The following NALF2 variants were observed in gnomAD, a reference collection of about 807,000 sequenced individuals.
NALF2 encodes the protein NALCN channel auxiliary factor 2, also known as bB57D9.1 (TED protein).
In NALF2, 1 loss-of-function variant was observed where a neutral mutation model predicts 24.8. The ratio of observed to expected loss-of-function variants is 0.04; its 90% confidence interval spans 0.01 to 0.19. NALF2 has a LOEUF of 0.19. Among genes scored for constraint, NALF2 ranks in the 10% least tolerant of loss-of-function variants. The pLI, the probability that NALF2 is intolerant of heterozygous loss-of-function variation, is 1.00. For missense variants in NALF2, 458 were observed against 409.6 expected (o/e 1.12, Z -1.02); for synonymous variants, 254 against 189.8 (o/e 1.34, Z -2.78).
In NALF2 at chrX:69,505,590, C is replaced by CGCCCGGCGA; in HGVS notation, c.313_321dup (p.Gly105_Pro107dup). 9.7e-7 allele frequency: 1 copy of CGCCCGGCGA among 1,035,875 alleles called. No homozygotes were observed. Among genetic ancestry groups the CGCCCGGCGA allele is most frequent in the Admixed American group, 5.4e-5 (1 of 18,529 alleles). The allele number at this position is 1,035,875 out of a possible 1,213,427, so 85.4% of individuals were successfully genotyped here. ...GCGGTGCTGCCGCTGCCGCCGCCGC[C>CGCCCGGCGA]GCCCGGCGAGCCCAGCGCGCCCCCA... On this transcript the variant is annotated inframe_insertion, in exon 1 of 3. Transcript: ENST00000252338.
At position 69,529,671 on chromosome X, in the gene NALF2, C is replaced by T. The variant is rs1469726463; in HGVS notation, c.1134C>T (p.Ala378=). ...AGAAGAAGTTCAAGGAGTCTGAGGC[C>T]CCCAAAACCCACCAGCAGCAATTCC... is the stretch of plus-strand genomic sequence containing the variant. The part of the protein sequence containing the change: ...AKKKKFKESE[A]PKTHQQQFHH... The change falls in exon 3 of 3, where the codon GCC becomes GCT. Residue 378 remains alanine (A), a synonymous_variant. Coordinates refer to ENST00000252338, the MANE Select transcript of NALF2 (RefSeq NM_015686.3). The T allele has an allele frequency of 8.3e-7, 1 of 1,209,801 alleles. No homozygotes were observed. The highest frequency in any genetic ancestry group is 1.1e-6 in the Non-Finnish European group (1 of 894,463).
At position 69,529,107 on chromosome X, in the gene NALF2, A is replaced by T. The variant is rs946143609; in HGVS notation, c.976A>T (p.Ile326Leu). The T allele has an allele frequency of 1.7e-6, 2 of 1,208,718 alleles. No homozygotes were observed. The highest frequency in any genetic ancestry group is 3.5e-5 in the South Asian group (2 of 56,454). Residue 326 changes from isoleucine to leucine, a missense_variant, in exon 2 of 3, where the codon ATA becomes TTA. Physicochemically the swap from Ile to Leu is conservative, Grantham distance 5 (BLOSUM62 2). Coordinates refer to ENST00000252338, the MANE Select transcript of NALF2 (RefSeq NM_015686.3). ...GGAGGTGCAGACCCGGTGCCCCTTT[A>T]TACTCCCCGACAATGAGGAAATGGT... The part of the protein sequence containing the change: ...CLEVQTRCPF[I>L]LPDNEEMVYG...
rs912506163 is a variant in NALF2 at position 69,508,055 on chromosome X, G to T, written c.861+1912G>T. 7.2e-5 allele frequency among the ~76,000 whole-genome samples: 8 copies of T among 111,515 alleles called. 1 individual carries two copies. Among genetic ancestry groups the T allele is most frequent in the African/African-American group, 2.6e-4 (8 of 30,609 alleles). The stretch of plus-strand genomic sequence containing the variant: ...GCCTTATCACCTCTACTTCTTGTTA[G>T]TGGTATGACCTTGGGCAAGTCACTT... On this transcript the variant is annotated intron_variant, in intron 1 of 2. Coordinates refer to ENST00000252338, the MANE Select transcript of NALF2 (RefSeq NM_015686.3).
intron 1 of NALF2, among the ~76,000 whole-genome samples, chrX:69,518,552 A>G (rs1202505661): frequency 9.0e-6 from 1 of 110,775 alleles, no homozygotes; most frequent in Admixed American, 9.6e-5. Flanking sequence ...TAATATTGCT[A>G]TTTCTTGTTT....
At chrX:69,511,469 C>A (rs748716357) in intron 1 of NALF2, among the ~76,000 whole-genome samples, 4 of 111,881 alleles carry the variant, frequency 3.6e-5, no homozygotes, top group African/African-American at 1.3e-4. Flanking sequence ...TCTCTCGTTA[C>A]CATTCAGGGT....
At chrX:69,516,485 T>C (rs925631887) in intron 1 of NALF2, among the ~76,000 whole-genome samples, 2 of 111,799 alleles carry the variant, frequency 1.8e-5, no homozygotes, top group Admixed American at 1.9e-4. Context: ...TGGAATATGC[T>C]GGGGAGAAGG....
In NALF2 at chrX:69,529,508, C is replaced by T. The variant is rs1408743427; in HGVS notation, c.1034-63C>T. 7.0e-6 allele frequency: 8 copies of T among 1,142,841 alleles called. No individual in the cohort carries two copies. In the African/African-American group the frequency reaches 1.3e-4, roughly 18 times the overall value. The allele number at this position is 1,142,841 out of a possible 1,213,427, so 94.2% of individuals were successfully genotyped here. On this transcript the variant is annotated intron_variant, in intron 2 of 2. Coordinates refer to ENST00000252338, the MANE Select transcript of NALF2 (RefSeq NM_015686.3). ...AGCCCCAGCTCTGGAAACTTGCTCC[C>T]TAGGTAAGGCATAGCTATCAGCTCC...
At chrX:69,523,249 T>G (rs1228257519) in intron 1 of NALF2, among the ~76,000 whole-genome samples, 1 of 112,652 alleles carries the variant, frequency 8.9e-6, no homozygotes, top group Non-Finnish European at 1.9e-5. Flanking sequence ...CCTGGAGGGC[T>G]TTTCAGCCCC....
intron 1 of NALF2, among the ~76,000 whole-genome samples, chrX:69,513,884 C>T (rs755444773): frequency 6.3e-5 from 7 of 111,749 alleles, no homozygotes; most frequent in Non-Finnish European, 1.3e-4. Flanking sequence ...CAAACAGAAA[C>T]TCTGTGCCCA....
chrX:69,526,098 A>G (rs956125819), intron 1 of NALF2, among the ~76,000 whole-genome samples: 1 of 112,358 alleles, frequency 8.9e-6, no homozygotes, highest in South Asian at 3.7e-4. Flanking sequence ...AGCGTTGTTC[A>G]TAATAGTGAA....
At chrX:69,521,859 T>C (rs1314827773) in intron 1 of NALF2, among the ~76,000 whole-genome samples, 1 of 112,169 alleles carries the variant, frequency 8.9e-6, no homozygotes, top group Non-Finnish European at 1.9e-5. Flanking sequence ...AGGAATCTTG[T>C]CTTACTCATC....
chrX:69,522,985 A>G (rs189497358), intron 1 of NALF2, among the ~76,000 whole-genome samples: 3 of 112,436 alleles, frequency 2.7e-5, no homozygotes, highest in African/African-American at 6.5e-5. Context: ...AGCGGAGTGT[A>G]CCGTGGTGTC....
In NALF2 at chrX:69,526,428, A is replaced by C. The variant is rs186191412; in HGVS notation, c.862-2565A>C. 2.3e-3 allele frequency among the ~76,000 whole-genome samples: 252 copies of C among 111,565 alleles called. 1 individual carries two copies. Among genetic ancestry groups the C allele is most frequent in the African/African-American group, 8.1e-3 (247 of 30,655 alleles). ...CCATAGATTCAAATTAGATGTGTCT[A>C]CCCATGAAACTGGAATTTTCATGAG... is the stretch of plus-strand genomic sequence containing the variant. On this transcript the variant is annotated intron_variant, in intron 1 of 2. Transcript: ENST00000252338.
chrX:69,523,190 A>G (rs755666727), intron 1 of NALF2, among the ~76,000 whole-genome samples: 4 of 112,713 alleles, frequency 3.5e-5, no homozygotes, highest in South Asian at 3.7e-4. Flanking sequence ...GTTAGAATCC[A>G]TGAAGGAAAC....
chrX:69,510,575 C>T (rs1255317711), intron 1 of NALF2, among the ~76,000 whole-genome samples: 1 of 112,351 alleles, frequency 8.9e-6, no homozygotes, highest in Non-Finnish European at 1.9e-5. Flanking sequence ...CACAGGCAGC[C>T]TCCCTGACCC....
Position 69,506,029 on chromosome X carries a change from G to T in NALF2, c.747G>T (p.Ala249=), listed in dbSNP as rs2147707441. The part of the protein sequence containing the change: ...AWEACSNCIE[A]YQRLDRHAQE... ...AGGCGTGTAGCAACTGTATCGAGGC[G>T]TACCAGCGGCTGGACCGACACGCTC... is the stretch of plus-strand genomic sequence containing the variant. Residue 249 remains alanine (A), a synonymous_variant, in exon 1 of 3, where the codon GCG becomes GCT. Coordinates refer to ENST00000252338, the MANE Select transcript of NALF2 (RefSeq NM_015686.3). 1 of 1,210,902 alleles carries T rather than the reference G, an allele frequency of 8.3e-7. No homozygotes were observed. Among genetic ancestry groups the T allele is most frequent in the Non-Finnish European group, 1.1e-6 (1 of 895,041 alleles).
At position 69,524,749 on chromosome X, in the gene NALF2, G is replaced by T. The variant is rs1930781982; in HGVS notation, c.862-4244G>T. ...CTAAGGCAGGCTTGTTGCCCAAGCT[G>T]TAACAAACACTGAGAGCCAGATCTT... is the stretch of plus-strand genomic sequence containing the variant. On this transcript the variant is annotated intron_variant, in intron 1 of 2. Transcript: ENST00000252338. 3.6e-5 allele frequency among the ~76,000 whole-genome samples: 4 copies of T among 111,756 alleles called. No homozygotes were observed. The South Asian group carries it at 1.5e-3, about 42-fold the overall frequency.
In NALF2 at chrX:69,505,320, CCG is replaced by C; in HGVS notation, c.40_41del (p.Ala14ArgfsTer45). ...GCTTGGATGTGGCCCGGGAAAGACG[CCG>C]CCGCGCTGACTATCTGCTGCTGCTG... On this transcript the variant is annotated frameshift_variant, in exon 1 of 3. Coordinates refer to ENST00000252338, the MANE Select transcript of NALF2 (RefSeq NM_015686.3). LOFTEE classifies it high-confidence loss of function. 1 of 1,157,539 alleles carries C rather than the reference CCG, an allele frequency of 8.6e-7. No homozygotes were observed. Among genetic ancestry groups the C allele is most frequent in the Non-Finnish European group, 1.2e-6 (1 of 868,603 alleles).
chrX:69,528,891 G>T, intron 1 of NALF2, 102 bp from the exon 2 acceptor site: 1 of 864,153 alleles, frequency 1.2e-6, no homozygotes, highest in African/African-American at 2.0e-5. Context: ...GGGTTAGGTT[G>T]GTGAGGCCCC....
Sources: allele counts gnomAD v4.1 joint callset (sites outside exome capture counted in the v4.1 genomes callset), GRCh38; gene constraint gnomAD v4.1.1; transcripts MANE v1.5; gene names NCBI Gene and HGNC (gene_info 2026-07-23, HGNC 2026-07-21).